Variants in SMURF1 observed in about 807,000 individuals in gnomAD.
The protein encoded by SMURF1 is E3 ubiquitin-protein ligase SMURF1.
In SMURF1, 44 loss-of-function variants were observed where a neutral mutation model predicts 98.0. That is an observed-to-expected ratio of 0.45 (90% CI 0.35 to 0.58). SMURF1 has a LOEUF of 0.58. Ranked by LOEUF, SMURF1 falls within the 20% of genes least tolerant of loss-of-function variation. SMURF1 has a pLI of 0.00. For missense variants in SMURF1, 687 were observed against 938.4 expected (o/e 0.73, Z 3.50); for synonymous variants, 396 against 374.9 (o/e 1.06, Z -0.65).
intron 1 of SMURF1, among the ~76,000 whole-genome samples, chr7:99,093,663 T>TTCC (rs1156924081): frequency 5.3e-5 from 8 of 152,146 alleles, no homozygotes; most frequent in African/African-American, 1.9e-4. Flanking sequence ...TATGACTACT[T>TTCC]TCCTCCTTGT....
chr7:99,044,249 T>C (rs768597620), intron 11 of SMURF1, among the ~76,000 whole-genome samples: 1 of 151,780 alleles, frequency 6.6e-6, no homozygotes, highest in Non-Finnish European at 1.5e-5. Context: ...GAGGTGGAGG[T>C]AGCAGTGAGC....
intron 1 of SMURF1, among the ~76,000 whole-genome samples, chr7:99,109,425 G>A (rs1797272356): frequency 6.6e-6 from 1 of 152,114 alleles, no homozygotes; most frequent in South Asian, 2.1e-4. Flanking sequence ...ACCCTCCCTA[G>A]GGGTTCAAAC....
At chr7:99,071,356 G>T (rs914503366) in intron 1 of SMURF1, among the ~76,000 whole-genome samples, 1 of 152,148 alleles carries the variant, frequency 6.6e-6, no homozygotes, top group African/African-American at 2.4e-5. Flanking sequence ...CACCGCGCCC[G>T]GCCAAAAACG....
chr7:99,052,159 G>T, intron 7 of SMURF1, 46 bp downstream of exon 7: 1 of 1,469,536 alleles, frequency 6.8e-7, no homozygotes, highest in South Asian at 1.6e-5. Context: ...TCAACTCATG[G>T]AAACAGGGCA....
At chr7:99,101,378 A>T (rs1323720987) in intron 1 of SMURF1, among the ~76,000 whole-genome samples, 1 of 152,142 alleles carries the variant, frequency 6.6e-6, no homozygotes, top group Non-Finnish European at 1.5e-5. Context: ...TCTCAAAAAG[A>T]ACAACAACAA....
intron 11 of SMURF1, 146 bp downstream of exon 11, chr7:99,045,552 G>T (rs935359017): frequency 1.9e-5 from 12 of 630,986 alleles, no homozygotes; most frequent in Non-Finnish European, 3.1e-5. Context: ...GGTGGCTGAA[G>T]CCAGTGCATG....
intron 3 of SMURF1, among the ~76,000 whole-genome samples, chr7:99,058,901 A>T (rs1157478961): frequency 2.0e-5 from 3 of 152,144 alleles, no homozygotes; most frequent in African/African-American, 7.2e-5. Context: ...CCTGGCCAAC[A>T]TGGTGAAACC....
intron 3 of SMURF1, among the ~76,000 whole-genome samples, chr7:99,059,710 C>T (rs1795985102): frequency 6.6e-6 from 1 of 151,430 alleles, no homozygotes; most frequent in Non-Finnish European, 1.5e-5. Flanking sequence ...GAGTTCGAGA[C>T]CAGCCTGGCC....
intron 1 of SMURF1, among the ~76,000 whole-genome samples, chr7:99,071,356 G>A (rs914503366): frequency 2.6e-5 from 4 of 152,148 alleles, no homozygotes; most frequent in South Asian, 2.1e-4. Context: ...CACCGCGCCC[G>A]GCCAAAAACG....
chr7:99,142,364 G>A (rs1798141598), intron 1 of SMURF1, among the ~76,000 whole-genome samples: 1 of 152,052 alleles, frequency 6.6e-6, no homozygotes, highest in Non-Finnish European at 1.5e-5. Flanking sequence ...TGCAGAAAAG[G>A]TAAAAATTGA....
chr7:99,049,474 A>ACAGT (rs1208775269), intron 9 of SMURF1, 89 bp downstream of exon 9: 3 of 1,308,740 alleles, frequency 2.3e-6, no homozygotes, highest in Non-Finnish European at 3.2e-6. Context: ...AACCAGCAAG[A>ACAGT]CAGTCAATAA....
rs751968244 is a variant in SMURF1, at chr7:99,030,699, AG to A, written c.2097-17del. On this transcript the variant is annotated splice_polypyrimidine_tract_variant and intron_variant, in intron 17 of 17. Coordinates refer to ENST00000361368, the MANE Select transcript of SMURF1 (RefSeq NM_181349.3). ...CCGGTTAAAGCTGAAAAAGGACAAAAGAGAGTCACCGTGTGGGCAGTCCAGC... is the reference window on the plus strand; with the variant it reads ...CCGGTTAAAGCTGAAAAAGGACAAAAAGAGTCACCGTGTGGGCAGTCCAGC... 41 of 1,610,916 alleles carry A rather than the reference AG, an allele frequency of 2.5e-5. No homozygotes were observed. In the African/African-American group the frequency reaches 3.7e-4, roughly 15 times the overall value.
rs1267585718 is a variant in SMURF1, at chr7:99,042,003, C to T, written c.1371+115G>A. The stretch of plus-strand genomic sequence containing the variant: ...ACTTTACCTCTCCATGTTTTGCTTA[C>T]CACTGTCTTTGATTAAGTCTACAAC... On this transcript the variant is annotated intron_variant, in intron 12 of 17. Transcript: ENST00000361368. 3.7e-6 allele frequency: 3 copies of T among 804,112 alleles called. No individual in the cohort carries two copies. In the Middle Eastern group the frequency reaches 7.5e-4, roughly 202 times the overall value. The allele number at this position is 804,112 out of a possible 1,614,324, so 49.8% of individuals were successfully genotyped here.
rs76898776 is a variant in SMURF1, at chr7:99,079,468, T to G, written c.56-17631A>C. 0.012 allele frequency among the ~76,000 whole-genome samples: 1,876 copies of G among 152,238 alleles called. 79 individuals are homozygous for G. In the South Asian group the frequency reaches 0.13, roughly 11 times the overall value. ...CACAGAACCAAGAACCATTCAACAT[T>G]TACAAGAAGTCACCTCATGAAAGAA... On this transcript the variant is annotated intron_variant, in intron 1 of 17. Coordinates refer to ENST00000361368, the MANE Select transcript of SMURF1 (RefSeq NM_181349.3).
intron 13 of SMURF1, 110 bp downstream of exon 13, chr7:99,040,268 A>C (rs1795322585): frequency 1.7e-6 from 2 of 1,176,242 alleles, no homozygotes; most frequent in South Asian, 2.4e-5. Context: ...CAATGGCTTC[A>C]CACACATCCC....
chr7:99,035,031 T>A (rs1295258179), intron 16 of SMURF1, among the ~76,000 whole-genome samples: 1 of 152,344 alleles, frequency 6.6e-6, no homozygotes, highest in East Asian at 1.9e-4. Context: ...TGGGCACCTT[T>A]CGCACAGAAT....
intron 11 of SMURF1, among the ~76,000 whole-genome samples, chr7:99,044,272 A>G (rs1228503888): frequency 1.3e-5 from 2 of 152,216 alleles, no homozygotes; most frequent in African/African-American, 2.4e-5. Flanking sequence ...AGATCCAGCC[A>G]GTGGACTCCA....
intron 1 of SMURF1, among the ~76,000 whole-genome samples, chr7:99,083,729 C>A (rs1295056857): frequency 6.6e-6 from 1 of 151,972 alleles, no homozygotes; most frequent in Non-Finnish European, 1.5e-5. Context: ...GGATTTCAAA[C>A]CCCCCCAAAA....
rs182010495 is a variant in SMURF1, at chr7:99,058,171, G to A, written c.204-620C>T. 2.7e-3 allele frequency among the ~76,000 whole-genome samples: 411 copies of A among 150,828 alleles called. 4 individuals are homozygous for A. Among genetic ancestry groups the A allele is most frequent in the South Asian group, 0.01 (48 of 4,744 alleles). On this transcript the variant is annotated intron_variant, in intron 3 of 17. Coordinates refer to ENST00000361368, the MANE Select transcript of SMURF1 (RefSeq NM_181349.3). Reference sequence around the variant, plus strand: ...TTTGAGACGGAATTTTGCTCTTGTCGCCCAGGCCGGAGTGCAATGGCGCAG... The same window carrying A: ...TTTGAGACGGAATTTTGCTCTTGTCACCCAGGCCGGAGTGCAATGGCGCAG...
Sources: gnomAD v4.1 joint callset for allele counts (sites outside exome capture counted in the v4.1 genomes callset) on GRCh38, gnomAD v4.1.1 for gene constraint, MANE v1.5 for transcripts, NCBI Gene and HGNC (gene_info 2026-07-23, HGNC 2026-07-21) for gene names.